RBFOX1: variants seen among roughly 807,000 people sequenced by gnomAD.
RBFOX1 encodes the protein RNA binding fox-1 homolog 1.
RBFOX1 carries 8 observed loss-of-function variants against 57.7 expected under a neutral mutation model. The observed-to-expected ratio is 0.14, with a 90% CI of 0.08 to 0.25. The LOEUF (loss-of-function observed/expected upper bound fraction) is 0.25, where lower values mean the gene tolerates loss of function less well. Ranked by LOEUF, RBFOX1 falls within the 10% of genes least tolerant of loss-of-function variation. The pLI is 1.00. For synonymous variants in RBFOX1, 326 were observed against 222.4 expected (o/e 1.47, Z -4.15); for missense variants, 611 against 548.5 (o/e 1.11, Z -1.14).
At chr16:7,651,188 C>G (rs1241956746) in intron 11 of RBFOX1, among the ~76,000 whole-genome samples, 1 of 152,162 alleles carries the variant, frequency 6.6e-6, no homozygotes, top group African/African-American at 2.4e-5. Context: ...CGGTAGAATC[C>G]ATAGAACAGG....
chr16:6,474,419 A>G (rs2095240995), intron 2 of RBFOX1, among the ~76,000 whole-genome samples: 1 of 152,230 alleles, frequency 6.6e-6, no homozygotes, highest in South Asian at 2.1e-4. Context: ...GAGGCACTTA[A>G]AGAATTTTCA....
At chr16:5,436,867 T>A (rs919294233) in intron 1 of RBFOX1, among the ~76,000 whole-genome samples, 7 of 152,164 alleles carry the variant, frequency 4.6e-5, no homozygotes, top group Non-Finnish European at 1.0e-4. Context: ...TCAGATAACT[T>A]AAATTTTTGC....
intron 4 of RBFOX1, among the ~76,000 whole-genome samples, chr16:5,989,570 C>T (rs1190586008): frequency 1.3e-5 from 2 of 151,966 alleles, no homozygotes; most frequent in Admixed American, 6.6e-5. Context: ...AGCAAGGGCT[C>T]GCCGACCTAG....
At position 7,355,616 on chromosome 16, in the gene RBFOX1, A is replaced by G. The variant is rs114170369; in HGVS notation, c.28-162531A>G. On this transcript the variant is annotated intron_variant, in intron 4 of 15. Coordinates refer to ENST00000550418, the MANE Select transcript of RBFOX1 (RefSeq NM_018723.4). ...AACAGCATGTTTTGGCCATCTCCCC[A>G]TGTCAGTCTGTACAGGTCCACTCTA... 4.2e-3 allele frequency among the ~76,000 whole-genome samples: 635 copies of G among 152,274 alleles called. 6 individuals are homozygous for G. The highest frequency in any genetic ancestry group is 0.014 in the African/African-American group (583 of 41,554).
chr16:7,394,980 G>T (rs551119239), intron 4 of RBFOX1, among the ~76,000 whole-genome samples: 16 of 152,202 alleles, frequency 1.1e-4, no homozygotes, highest in Non-Finnish European at 2.4e-4. Context: ...GTGTGAGCCT[G>T]TGTACGTGCT....
intron 10 of RBFOX1, among the ~76,000 whole-genome samples, chr16:7,628,576 G>A (rs576843149): frequency 2.9e-4 from 44 of 152,172 alleles, no homozygotes; most frequent in African/African-American, 1.0e-3. Flanking sequence ...TACCTGAGGC[G>A]AGGTTAAACC....
intron 2 of RBFOX1, among the ~76,000 whole-genome samples, chr16:6,652,215 G>A (rs751190927): frequency 1.3e-5 from 2 of 152,096 alleles, no homozygotes; most frequent in Admixed American, 6.5e-5. Context: ...CTTTGGGAGG[G>A]CGAGGCGGGC....
intron 4 of RBFOX1, among the ~76,000 whole-genome samples, chr16:7,494,056 A>G (rs2067796322): frequency 6.6e-6 from 1 of 152,060 alleles, no homozygotes; most frequent in African/African-American, 2.4e-5. Context: ...CTTCTCCGAG[A>G]GTGGTTATGG....
intron 3 of RBFOX1, among the ~76,000 whole-genome samples, chr16:5,631,242 C>T (rs1469918807): frequency 6.6e-6 from 1 of 152,270 alleles, no homozygotes; most frequent in South Asian, 2.1e-4. Context: ...TAGAGGCTCT[C>T]TCCAATCCTC....
intron 1 of RBFOX1, among the ~76,000 whole-genome samples, chr16:5,308,185 C>G (rs1567312985): frequency 6.6e-6 from 1 of 151,864 alleles, no homozygotes. Context: ...ACTAAAAATA[C>G]AAAAAATTAG....
chr16:5,662,905 A>AT (rs2049704549), intron 3 of RBFOX1, among the ~76,000 whole-genome samples: 1 of 152,216 alleles, frequency 6.6e-6, no homozygotes, highest in African/African-American at 2.4e-5. Flanking sequence ...TAAAGAGCAT[A>AT]TATCATGTAG....
intron 2 of RBFOX1, among the ~76,000 whole-genome samples, chr16:6,550,284 C>A (rs1052711267): frequency 6.6e-6 from 1 of 152,084 alleles, no homozygotes; most frequent in Non-Finnish European, 1.5e-5. Flanking sequence ...TTCAACAATT[C>A]TCTTGCCTCA....
At chr16:5,464,352 C>T (rs188065191) in intron 1 of RBFOX1, among the ~76,000 whole-genome samples, 12 of 152,266 alleles carry the variant, frequency 7.9e-5, no homozygotes, top group South Asian at 2.1e-4. Context: ...GCAGACCCTA[C>T]GGGTTGTTTG....
chr16:7,391,798 C>T (rs574622226), intron 4 of RBFOX1, among the ~76,000 whole-genome samples: 73 of 152,206 alleles, frequency 4.8e-4, no homozygotes, highest in African/African-American at 1.2e-3. Context: ...AAGAGTGAGT[C>T]GGTGGATGGA....
At chr16:6,526,701 G>A (rs1035821516) in intron 2 of RBFOX1, among the ~76,000 whole-genome samples, 18 of 151,456 alleles carry the variant, frequency 1.2e-4, no homozygotes, top group South Asian at 2.1e-4. Flanking sequence ...GTGGTGGTGG[G>A]CACCTGTAGT....
chr16:6,773,267 G>T (rs1470558928), intron 3 of RBFOX1, among the ~76,000 whole-genome samples: 1 of 144,698 alleles, frequency 6.9e-6, no homozygotes, highest in African/African-American at 2.6e-5. Context: ...GGGTGCATTT[G>T]TGTGTGTGTA....
At chr16:6,770,353 G>A (rs2078079647) in intron 3 of RBFOX1, among the ~76,000 whole-genome samples, 1 of 152,108 alleles carries the variant, frequency 6.6e-6, no homozygotes, top group Non-Finnish European at 1.5e-5. Context: ...GCAGGGGTTG[G>A]AAAACTGCAG....
intron 2 of RBFOX1, among the ~76,000 whole-genome samples, chr16:6,551,158 G>T (rs1243623307): frequency 3.9e-5 from 6 of 152,186 alleles, no homozygotes; most frequent in Non-Finnish European, 8.8e-5. Flanking sequence ...GGGCTTCCCT[G>T]TATGTCTATA....
At chr16:7,055,838 G>T (rs1274058683) in intron 4 of RBFOX1, among the ~76,000 whole-genome samples, 1 of 152,140 alleles carries the variant, frequency 6.6e-6, no homozygotes, top group Non-Finnish European at 1.5e-5. Context: ...CACTCTGTTT[G>T]TCAGGGTGCT....
Sources: allele counts gnomAD v4.1 joint callset (sites outside exome capture counted in the v4.1 genomes callset), GRCh38; gene constraint gnomAD v4.1.1; transcripts MANE v1.5; gene names NCBI Gene and HGNC (gene_info 2026-07-23, HGNC 2026-07-21).